The following FOXC1 variants were observed in gnomAD, a reference collection of about 807,000 sequenced individuals.
FOXC1 encodes forkhead box C1, also known as forkhead box protein C1.
A neutral mutation model predicts 8.1 loss-of-function variants in FOXC1; 5 were observed. The ratio of observed to expected loss-of-function variants is 0.62; its 90% CI spans 0.32 to 1.30. The LOEUF is 1.30. FOXC1 is among the 50% of genes most tolerant of loss of function. The pLI, the probability that FOXC1 is intolerant of heterozygous loss-of-function variation, is 0.05. For missense variants in FOXC1, 942 were observed against 858.0 expected (o/e 1.10, Z -1.22); for synonymous variants, 552 against 417.2 (o/e 1.32, Z -3.94).
In FOXC1 at chr6:1,611,916, G is replaced by A. The variant is rs1442933152; in HGVS notation, c.1471G>A (p.Ala491Thr). The A allele has an allele frequency of 6.4e-7, 1 of 1,554,840 alleles. No individual in the cohort carries two copies. Among genetic ancestry groups the A allele is most frequent in the African/African-American group, 1.4e-5 (1 of 73,286 alleles). ...DLGHLASAAAAAAAAGYPGQQ... is the reference protein window; with the variant it reads ...DLGHLASAAATAAAAGYPGQQ... ...GGGCCACTTGGCGAGCGCGGCGGCG[G>A]CGGCGGCGGCCGCAGGCTACCCGGG... The change falls in exon 1 of 1, where the codon GCG becomes ACG. Residue 491 changes from alanine to threonine, a missense_variant. Ala to Thr is a moderately conservative substitution (Grantham distance 58, BLOSUM62 0). Transcript: ENST00000645831. The surrounding 1 kb of genome is among the most constrained non-coding windows in gnomAD (Gnocchi z 7.1).
rs957574255 is a variant in FOXC1 at position 1,611,522 on chromosome 6, C to T, written c.1077C>T (p.Ser359=). 7.5e-6 allele frequency: 10 copies of T among 1,334,744 alleles called. No homozygotes were observed. The highest frequency in any genetic ancestry group is 9.6e-6 in the Non-Finnish European group (10 of 1,036,308). The allele number at this position is 1,334,744 out of a possible 1,614,324, so 82.7% of individuals were successfully genotyped here. A position where few individuals can be genotyped will look rare whatever the true frequency, so the allele number is the denominator to read the frequency against. ...GCGCCTACTCGCCCGGCCAGAGCTC[C>T]CTCTACAGCTCCCCCTGCAGCCAGA... The part of the protein sequence containing the change: ...ALGAYSPGQS[S]LYSSPCSQTS... The change falls in exon 1 of 1, where the codon TCC becomes TCT. Residue 359 remains serine, a synonymous_variant. Transcript: ENST00000645831. This position sits in a 1 kb window ranked among gnomAD's most constrained non-coding sequence, Gnocchi z 7.1.
Position 1,610,749 on chromosome 6 carries a change from A to G in FOXC1, c.304A>G (p.Asn102Asp). Reference sequence around the variant, plus strand: ...CGCCCCGGACAAGAAGATCACCCTGAACGGCATCTACCAGTTCATCATGGA... The same window carrying G: ...CGCCCCGGACAAGAAGATCACCCTGGACGGCATCTACCAGTTCATCATGGA... ...QNAPDKKITL[N>D]GIYQFIMDRF... Residue 102 changes from asparagine to aspartate, a missense_variant, in exon 1 of 1, where the codon AAC becomes GAC. This residue lies in a region of FOXC1 where 190 missense variants were observed against 176.8 expected (regional missense o/e 1.07). Coordinates refer to ENST00000645831, the MANE Select transcript of FOXC1 (RefSeq NM_001453.3). 3 of 1,613,982 alleles carry G rather than the reference A, an allele frequency of 1.9e-6. No homozygotes were observed. Among genetic ancestry groups the G allele is most frequent in the Non-Finnish European group, 2.5e-6 (3 of 1,179,992 alleles).
rs1581375703 is a variant in FOXC1 at position 1,612,866 on chromosome 6, A to C, written c.*759A>C. ...ATACTTTAATAGAGCTTTAATTATT[A>C]CGAAAAAAGATTTCAGAGATAAAAC... On this transcript the variant is annotated 3_prime_UTR_variant, in exon 1 of 1. Transcript: ENST00000645831. The C allele has an allele frequency of 4.7e-6, 1 of 214,120 alleles. No homozygotes were observed. Among genetic ancestry groups the C allele is most frequent in the East Asian group, 7.9e-5 (1 of 12,718 alleles). The allele number at this position is 214,120 out of a possible 1,614,324, so 13.3% of individuals were successfully genotyped here.
chr6:1,611,339 C>A lies in FOXC1; in HGVS notation c.894C>A (p.Ser298=). Residue 298 remains serine (S), a synonymous_variant, in exon 1 of 1, where the codon TCC becomes TCA. Transcript: ENST00000645831. This position sits in a 1 kb window ranked among gnomAD's most constrained non-coding sequence, Gnocchi z 7.1. Reference sequence around the variant, plus strand: ...CCGCGCCGCCGCCGCCCGCGCCCTCCGCCCCGCCGCCGCACCATAGCCAGG... The same window carrying A: ...CCGCGCCGCCGCCGCCCGCGCCCTCAGCCCCGCCGCCGCACCATAGCCAGG... ...ADSAPPPPAP[S]APPPHHSQGF... 7.0e-7 allele frequency: 1 copy of A among 1,420,684 alleles called. No individual in the cohort carries two copies. The highest frequency in any genetic ancestry group is 2.5e-5 in the Admixed American group (1 of 39,752). The allele number at this position is 1,420,684 out of a possible 1,614,324, so 88.0% of individuals were successfully genotyped here. A position where few individuals can be genotyped will look rare whatever the true frequency, so the allele number is the denominator to read the frequency against.
Position 1,613,523 on chromosome 6 carries a change from A to G in FOXC1, c.*1416A>G, listed in dbSNP as rs974379714. 4.3e-6 allele frequency: 1 copy of G among 230,610 alleles called. No homozygotes were observed. The allele number at this position is 230,610 out of a possible 1,614,324, so 14.3% of individuals were successfully genotyped here. A position where few individuals can be genotyped will look rare whatever the true frequency, so the allele number is the denominator to read the frequency against. ...AGATTTAAAGCAATAACAAGAAGGA[A>G]GGCGAGAGGAGCAGAACATTTTGGT... is the stretch of plus-strand genomic sequence containing the variant. On this transcript the variant is annotated 3_prime_UTR_variant, in exon 1 of 1. Coordinates refer to ENST00000645831, the MANE Select transcript of FOXC1 (RefSeq NM_001453.3).
rs746088193 is a variant in FOXC1 at position 1,610,560 on chromosome 6, G to T, written c.115G>T (p.Ala39Ser). The change falls in exon 1 of 1, where the codon GCC becomes TCC. Residue 39 changes from alanine (A) to serine (S), a missense_variant. Ala to Ser is a moderately conservative substitution (Grantham distance 99). Around this residue, in one of 4 missense-constraint regions of FOXC1, gnomAD observed 190 missense variants for 176.8 expected, o/e 1.07. Coordinates refer to ENST00000645831, the MANE Select transcript of FOXC1 (RefSeq NM_001453.3). ...AAAAAGGGYTAMPAPMSVYSH... is the reference protein window; with the variant it reads ...AAAAAGGGYTSMPAPMSVYSH... ...CGCGGCGGCCGGGGGCGGCTACACC[G>T]CCATGCCGGCCCCCATGAGCGTGTA... 18 of 1,567,042 alleles carry T rather than the reference G, an allele frequency of 1.1e-5. No homozygotes were observed. The African/African-American group carries it at 2.2e-4, about 19-fold the overall frequency.
chr6:1,611,725 C>A lies in FOXC1; in HGVS notation c.1280C>A (p.Pro427His). 6.8e-7 allele frequency: 1 copy of A among 1,465,120 alleles called. No individual in the cohort carries two copies. The highest frequency in any genetic ancestry group is 9.0e-7 in the Non-Finnish European group (1 of 1,114,922). The allele number at this position is 1,465,120 out of a possible 1,614,324, so 90.8% of individuals were successfully genotyped here. The change falls in exon 1 of 1, where the codon CCC (proline) becomes CAC (histidine). Residue 427 changes from proline to histidine, a missense_variant. Pro to His is a moderately conservative substitution (Grantham distance 77). Coordinates refer to ENST00000645831, the MANE Select transcript of FOXC1 (RefSeq NM_001453.3). The surrounding 1 kb of genome is among the most constrained non-coding windows in gnomAD (Gnocchi z 7.1). ...GGAGGSAVDD[P>H]LPDYSLPPVT... ...GCGGGCGGCTCGGCCGTGGACGACC[C>A]CCTGCCCGACTACTCTCTGCCTCCG...
Position 1,611,138 on chromosome 6 carries a change from T to A in FOXC1, c.693T>A (p.Gly231=). 1 of 1,433,814 alleles carries A rather than the reference T, an allele frequency of 7.0e-7. No homozygotes were observed. Among genetic ancestry groups the A allele is most frequent in the Non-Finnish European group, 9.2e-7 (1 of 1,085,648 alleles). 88.8% of individuals were successfully genotyped at this position (1,433,814 alleles called of 1,614,324 possible). Residue 231 remains glycine (G), a synonymous_variant, in exon 1 of 1, where the codon GGT becomes GGA. Coordinates refer to ENST00000645831, the MANE Select transcript of FOXC1 (RefSeq NM_001453.3). The surrounding 1 kb of genome is among the most constrained non-coding windows in gnomAD (Gnocchi z 7.1). ...VRIQDIKTEN[G]TCPSPPQPLS... is the part of the protein sequence containing the mutation. The stretch of plus-strand genomic sequence containing the variant: ...TCCAGGACATCAAGACCGAGAACGG[T>A]ACGTGCCCCTCGCCGCCCCAGCCCC...
In FOXC1 at chr6:1,610,312, C is replaced by A. The variant is rs899908042; in HGVS notation, c.-134C>A. ...AGCGCCGGGAGAGGCGGCAGCGCAG[C>A]CGGACGCACAGCGCAGCGGGCCGGC... is the stretch of plus-strand genomic sequence containing the variant. On this transcript the variant is annotated 5_prime_UTR_variant, in exon 1 of 1. Transcript: ENST00000645831. 1 of 379,714 alleles carries A rather than the reference C, an allele frequency of 2.6e-6. No individual in the cohort carries two copies. The highest frequency in any genetic ancestry group is 2.2e-5 in the African/African-American group (1 of 45,356). 23.5% of individuals were successfully genotyped at this position (379,714 alleles called of 1,614,324 possible).
rs1257394346 is a variant in FOXC1 at position 1,613,336 on chromosome 6, C to T, written c.*1229C>T. ...GTCCTTTATAAAAGGAAAAATAAAC[C>T]AGTTTTTAAATGTATGTATATAATT... On this transcript the variant is annotated 3_prime_UTR_variant, in exon 1 of 1. Transcript: ENST00000645831. The T allele has an allele frequency of 4.4e-6, 1 of 229,556 alleles. No individual in the cohort carries two copies. The highest frequency in any genetic ancestry group is 9.3e-6 in the Non-Finnish European group (1 of 107,050). 14.2% of individuals were successfully genotyped at this position (229,556 alleles called of 1,614,324 possible).
At position 1,611,026 on chromosome 6, in the gene FOXC1, CGCCCCCGCCCGGCCGCCA is replaced by C. The variant is rs567719270; in HGVS notation, c.593_610del (p.Gly198_Pro203del). Reference sequence around the variant, plus strand: ...AAGGACAGGCTGCACCTCAAGGAGCCGCCCCCGCCCGGCCGCCAGCCCCCGCCCGCGCCGCCGGAGCAG... The same window carrying C: ...AAGGACAGGCTGCACCTCAAGGAGCCGCCCCCGCCCGCGCCGCCGGAGCAG... On this transcript the variant is annotated inframe_deletion, in exon 1 of 1. Coordinates refer to ENST00000645831, the MANE Select transcript of FOXC1 (RefSeq NM_001453.3). This position sits in a 1 kb window ranked among gnomAD's most constrained non-coding sequence, Gnocchi z 7.1. The C allele has an allele frequency of 5.1e-5, 79 of 1,557,868 alleles. No individual in the cohort carries two copies. Among genetic ancestry groups the C allele is most frequent in the South Asian group, 4.3e-4 (37 of 85,564 alleles).
rs1243524293 is a variant in FOXC1 at position 1,613,287 on chromosome 6, A to C, written c.*1180A>C. The C allele has an allele frequency of 4.3e-6, 1 of 233,646 alleles. No homozygotes were observed. The highest frequency in any genetic ancestry group is 6.7e-5 in the East Asian group (1 of 14,852). 14.5% of individuals were successfully genotyped at this position (233,646 alleles called of 1,614,324 possible). A position where few individuals can be genotyped will look rare whatever the true frequency, so the allele number is the denominator to read the frequency against. On this transcript the variant is annotated 3_prime_UTR_variant, in exon 1 of 1. Transcript: ENST00000645831. ...ATACATCCCTGTGAGCCAGATGCTG[A>C]ATAGATATTTTCCTATTATTTCAGT...
At position 1,611,861 on chromosome 6, in the gene FOXC1, G is replaced by T; in HGVS notation, c.1416G>T (p.Ser472=). 1 of 1,539,792 alleles carries T rather than the reference G, an allele frequency of 6.5e-7. No homozygotes were observed. Among genetic ancestry groups the T allele is most frequent in the South Asian group, 1.2e-5 (1 of 83,538 alleles). ...HPAAHQGRLT[S]WYLNQAGGDL... is the part of the protein sequence containing the mutation. ...CGGCCCACCAAGGCCGCCTCACCTC[G>T]TGGTACCTGAACCAGGCGGGCGGAG... Residue 472 remains serine, a synonymous_variant, in exon 1 of 1, where the codon TCG becomes TCT. Coordinates refer to ENST00000645831, the MANE Select transcript of FOXC1 (RefSeq NM_001453.3). This position sits in a 1 kb window ranked among gnomAD's most constrained non-coding sequence, Gnocchi z 7.1.
In FOXC1 at chr6:1,611,590, G is replaced by A; in HGVS notation, c.1145G>A (p.Gly382Glu). 8.9e-7 allele frequency: 1 copy of A among 1,125,780 alleles called. No individual in the cohort carries two copies. Among genetic ancestry groups the A allele is most frequent in the African/African-American group, 1.7e-5 (1 of 60,334 alleles). The allele number at this position is 1,125,780 out of a possible 1,614,324, so 69.7% of individuals were successfully genotyped here. The change falls in exon 1 of 1, where the codon GGG (glycine) becomes GAG (glutamate). Residue 382 changes from glycine (G) to glutamate (E), a missense_variant. Gly to Glu is a moderately conservative substitution (Grantham distance 98, BLOSUM62 -2). Around this residue, in one of 4 missense-constraint regions of FOXC1, gnomAD observed 726 missense variants for 599.6 expected, o/e 1.21. Coordinates refer to ENST00000645831, the MANE Select transcript of FOXC1 (RefSeq NM_001453.3). The surrounding 1 kb of genome is among the most constrained non-coding windows in gnomAD (Gnocchi z 7.1). ...TCGGGCGGCGGCGGCGGCGGCGCGGGGGCCGCGGGGGGCGCGGGCGGCGCC... is the reference window on the plus strand; with the variant it reads ...TCGGGCGGCGGCGGCGGCGGCGCGGAGGCCGCGGGGGGCGCGGGCGGCGCC... The part of the protein sequence containing the change: ...GSSGGGGGGA[G>E]AAGGAGGAGT...
At position 1,610,322 on chromosome 6, in the gene FOXC1, A is replaced by G; in HGVS notation, c.-124A>G. 2.3e-6 allele frequency: 1 copy of G among 433,544 alleles called. No homozygotes were observed. The highest frequency in any genetic ancestry group is 3.0e-6 in the Non-Finnish European group (1 of 328,238). 26.9% of individuals were successfully genotyped at this position (433,544 alleles called of 1,614,324 possible). ...GAGGCGGCAGCGCAGCCGGACGCAC[A>G]GCGCAGCGGGCCGGCACCAGCTCGG... On this transcript the variant is annotated 5_prime_UTR_variant, in exon 1 of 1. Transcript: ENST00000645831.
chr6:1,611,027 GC>G lies in FOXC1; in HGVS notation c.587del (p.Pro196ArgfsTer119). Reference protein sequence around the residue: ...EKDRLHLKEPPPPGRQPPPAP... With the variant: ...EKDRLHLKEPXPPGRQPPPAP... ...AGGACAGGCTGCACCTCAAGGAGCC[GC>G]CCCCGCCCGGCCGCCAGCCCCCGCC... On this transcript the variant is annotated frameshift_variant, in exon 1 of 1. Coordinates refer to ENST00000645831, the MANE Select transcript of FOXC1 (RefSeq NM_001453.3). LOFTEE classifies it low-confidence loss of function (END_TRUNC). This position sits in a 1 kb window ranked among gnomAD's most constrained non-coding sequence, Gnocchi z 7.1. The G allele has an allele frequency of 6.4e-7, 1 of 1,556,454 alleles. No homozygotes were observed. Among genetic ancestry groups the G allele is most frequent in the Non-Finnish European group, 8.7e-7 (1 of 1,152,004 alleles).
chr6:1,611,359 G>A lies in FOXC1; in HGVS notation c.914G>A (p.Ser305Asn). 7.0e-7 allele frequency: 1 copy of A among 1,438,636 alleles called. No homozygotes were observed. The highest frequency in any genetic ancestry group is 9.1e-7 in the Non-Finnish European group (1 of 1,096,268). 89.1% of individuals were successfully genotyped at this position (1,438,636 alleles called of 1,614,324 possible). A position where few individuals can be genotyped will look rare whatever the true frequency, so the allele number is the denominator to read the frequency against. Reference protein sequence around the residue: ...PAPSAPPPHHSQGFSVDNIMT... With the variant: ...PAPSAPPPHHNQGFSVDNIMT... Reference sequence around the variant, plus strand: ...CCCTCCGCCCCGCCGCCGCACCATAGCCAGGGCTTCAGCGTGGACAACATC... The same window carrying A: ...CCCTCCGCCCCGCCGCCGCACCATAACCAGGGCTTCAGCGTGGACAACATC... Residue 305 changes from serine to asparagine, a missense_variant, in exon 1 of 1, where the codon AGC (serine) becomes AAC (asparagine). By Grantham distance (46) the Ser-to-Asn change is conservative. This residue lies in a region of FOXC1 where 726 missense variants were observed against 599.6 expected (regional missense o/e 1.21). Transcript: ENST00000645831. This position sits in a 1 kb window ranked among gnomAD's most constrained non-coding sequence, Gnocchi z 7.1.
rs1188030946 is a variant in FOXC1, at chr6:1,611,759, C to T, written c.1314C>T (p.Ser438=). Residue 438 remains serine (S), a synonymous_variant, in exon 1 of 1, where the codon AGC becomes AGT. Transcript: ENST00000645831. This position sits in a 1 kb window ranked among gnomAD's most constrained non-coding sequence, Gnocchi z 7.1. Reference sequence around the variant, plus strand: ...ACTACTCTCTGCCTCCGGTCACCAGCAGCAGCTCGTCGTCCCTGAGTCACG... The same window carrying T: ...ACTACTCTCTGCCTCCGGTCACCAGTAGCAGCTCGTCGTCCCTGAGTCACG... ...LPDYSLPPVT[S]SSSSSLSHGG... is the part of the protein sequence containing the mutation. The T allele has an allele frequency of 2.0e-6, 3 of 1,473,360 alleles. No individual in the cohort carries two copies. Among genetic ancestry groups the T allele is most frequent in the African/African-American group, 2.9e-5 (2 of 68,020 alleles). The allele number at this position is 1,473,360 out of a possible 1,614,324, so 91.3% of individuals were successfully genotyped here.
Position 1,610,569 on chromosome 6 carries a change from G to A in FOXC1, c.124G>A (p.Ala42Thr). The A allele has an allele frequency of 1.3e-6, 2 of 1,579,126 alleles. No homozygotes were observed. Among genetic ancestry groups the A allele is most frequent in the Admixed American group, 1.8e-5 (1 of 54,374 alleles). The change falls in exon 1 of 1, where the codon GCC becomes ACC. Residue 42 changes from alanine to threonine, a missense_variant. Physicochemically the swap from Ala to Thr is moderately conservative, Grantham distance 58. Around this residue, in one of 4 missense-constraint regions of FOXC1, gnomAD observed 190 missense variants for 176.8 expected, o/e 1.07. Coordinates refer to ENST00000645831, the MANE Select transcript of FOXC1 (RefSeq NM_001453.3). The stretch of plus-strand genomic sequence containing the variant: ...CGGGGGCGGCTACACCGCCATGCCG[G>A]CCCCCATGAGCGTGTACTCGCACCC... ...AAGGGYTAMPAPMSVYSHPAH... is the reference protein window; with the variant it reads ...AAGGGYTAMPTPMSVYSHPAH...
Sources: gnomAD v4.1 joint callset for allele counts on GRCh38, gnomAD v4.1.1 for gene constraint, gnomAD v4.1.1 regional missense constraint, Gnocchi (gnomAD v3.1) non-coding constraint, MANE v1.5 for transcripts, NCBI Gene and HGNC (gene_info 2026-07-23, HGNC 2026-07-21) for gene names.